ROBO2: variants seen among roughly 807,000 people sequenced by gnomAD.
The protein encoded by ROBO2 is roundabout guidance receptor 2, also known as roundabout homolog 2.
In ROBO2, 53 loss-of-function variants were observed where a neutral mutation model predicts 160.8. The observed-to-expected ratio is 0.33, with a 90% CI of 0.26 to 0.41. The LOEUF is 0.41. ROBO2 is among the 10% of genes least tolerant of loss of function. The pLI is 1.00. For missense variants in ROBO2, 1,577 were observed against 1,722.4 expected, an observed-to-expected ratio of 0.92 and a Z score of 1.49; for synonymous variants, 664 against 611.7, an observed-to-expected ratio of 1.09 and a Z score of -1.26.
intron 2 of ROBO2, among the ~76,000 whole-genome samples, chr3:75,980,510 C>G (rs1369215666): frequency 1.3e-5 from 2 of 151,482 alleles, no homozygotes; most frequent in East Asian, 3.9e-4. Flanking sequence ...TAAGTTACCT[C>G]AAATCTTTTC....
chr3:77,334,379 G>A (rs1448734947), intron 2 of ROBO2, among the ~76,000 whole-genome samples: 1 of 152,126 alleles, frequency 6.6e-6, no homozygotes, highest in Non-Finnish European at 1.5e-5. Flanking sequence ...CTTGGCTTCG[G>A]GCACTAATTT....
intron 2 of ROBO2, among the ~76,000 whole-genome samples, chr3:77,342,057 G>C (rs183721648): frequency 6.6e-6 from 1 of 152,176 alleles, no homozygotes; most frequent in East Asian, 1.9e-4. Context: ...AAGCTTCCGT[G>C]CGTGTATTTG....
At chr3:76,013,690 C>T (rs6789784) in intron 2 of ROBO2, among the ~76,000 whole-genome samples, 97 of 133,474 alleles carry the variant, frequency 7.3e-4, no homozygotes, top group Middle Eastern at 4.5e-3. Context: ...AGGCAATTGG[C>T]GGCTGGGTAC....
chr3:77,171,156 C>T (rs1363994714), intron 2 of ROBO2, among the ~76,000 whole-genome samples: 1 of 152,078 alleles, frequency 6.6e-6, no homozygotes, highest in African/African-American at 2.4e-5. Flanking sequence ...GACAGACAGC[C>T]CGGTGACAAT....
At chr3:76,295,830 G>C (rs1446954627) in intron 2 of ROBO2, among the ~76,000 whole-genome samples, 1 of 152,122 alleles carries the variant, frequency 6.6e-6, no homozygotes, top group African/African-American at 2.4e-5. Context: ...ATCAGGTGTT[G>C]AGTTTATATA....
intron 2 of ROBO2, among the ~76,000 whole-genome samples, chr3:77,406,204 T>A (rs2076239324): frequency 1.3e-5 from 2 of 152,114 alleles, no homozygotes; most frequent in African/African-American, 4.8e-5. Flanking sequence ...TCAGCTCTCC[T>A]GAGAACTCAC....
intron 2 of ROBO2, among the ~76,000 whole-genome samples, chr3:76,150,057 G>A (rs2072110796): frequency 8.2e-6 from 1 of 121,220 alleles, no homozygotes; most frequent in African/African-American, 3.2e-5. Context: ...GCACACCTCT[G>A]TTTAAAACAC....
chr3:77,423,796 T>C (rs1380881224), intron 2 of ROBO2, among the ~76,000 whole-genome samples: 1 of 152,194 alleles, frequency 6.6e-6, no homozygotes, highest in Non-Finnish European at 1.5e-5. Flanking sequence ...ACCCTGGTGC[T>C]TCCTAAAACA....
chr3:77,514,519 A>G (rs1024050407), intron 5 of ROBO2, among the ~76,000 whole-genome samples: 7 of 151,800 alleles, frequency 4.6e-5, no homozygotes, highest in Non-Finnish European at 2.9e-5. Context: ...AGAAAAATAA[A>G]TGTACTTATA....
intron 2 of ROBO2, among the ~76,000 whole-genome samples, chr3:76,571,074 A>G (rs2084924414): frequency 6.6e-6 from 1 of 152,162 alleles, no homozygotes; most frequent in South Asian, 2.1e-4. Context: ...AGGTGATATG[A>G]AATTATGTAA....
At chr3:76,321,332 T>C (rs2072506769) in intron 2 of ROBO2, among the ~76,000 whole-genome samples, 1 of 152,036 alleles carries the variant, frequency 6.6e-6, no homozygotes, top group Non-Finnish European at 1.5e-5. Context: ...CTGGTCAACA[T>C]GGTGAAACCC....
At chr3:76,435,187 A>T in intron 2 of ROBO2, 2 of 1,180,560 alleles carry the variant, frequency 1.7e-6, no homozygotes. Flanking sequence ...AACAGTAGGG[A>T]TGTCAAAGTT....
intron 22 of ROBO2, among the ~76,000 whole-genome samples, chr3:77,618,715 A>G (rs1049476105): frequency 6.6e-6 from 1 of 152,168 alleles, no homozygotes; most frequent in African/African-American, 2.4e-5. Context: ...CTAACTATAC[A>G]TAGAAAGAGA....
intron 2 of ROBO2, among the ~76,000 whole-genome samples, chr3:77,294,446 G>A (rs1477711258): frequency 7.2e-6 from 1 of 138,884 alleles, no homozygotes; most frequent in Non-Finnish European, 1.5e-5. Flanking sequence ...GATCCCTAAA[G>A]ACATAAAGTA....
At chr3:76,720,346 C>T (rs1244295885) in intron 2 of ROBO2, among the ~76,000 whole-genome samples, 10 of 152,076 alleles carry the variant, frequency 6.6e-5, no homozygotes, top group Non-Finnish European at 2.9e-5. Context: ...TTAGAACAGC[C>T]TAAATGGGCT....
chr3:76,071,215 T>C (rs1020256357), intron 2 of ROBO2, among the ~76,000 whole-genome samples: 9 of 152,346 alleles, frequency 5.9e-5, no homozygotes, highest in South Asian at 2.1e-4. Context: ...TGCTTAATCA[T>C]AAATGCTTTC....
intron 2 of ROBO2, among the ~76,000 whole-genome samples, chr3:76,986,839 T>C (rs557361041): frequency 3.4e-4 from 51 of 152,124 alleles, no homozygotes; most frequent in Non-Finnish European, 6.6e-4. Context: ...TTAATTGATA[T>C]CTATTATTAA....
intron 14 of ROBO2, among the ~76,000 whole-genome samples, 177 bp from the exon 16 acceptor site, chr3:77,577,313 G>C (rs1404992971): frequency 1.3e-5 from 2 of 152,028 alleles, no homozygotes; most frequent in Non-Finnish European, 2.9e-5. Context: ...TTTAAATCTA[G>C]ATATTGTATT....
chr3:76,238,947 C>G (rs191204950), intron 2 of ROBO2, among the ~76,000 whole-genome samples: 20 of 152,264 alleles, frequency 1.3e-4, no homozygotes, highest in African/African-American at 4.6e-4. Context: ...CAATGAGAAG[C>G]CTTTTGTAAC....
Sources: allele counts gnomAD v4.1 joint callset (sites outside exome capture counted in the v4.1 genomes callset), GRCh38; gene constraint gnomAD v4.1.1; transcripts MANE v1.5; gene names NCBI Gene and HGNC (gene_info 2026-07-23, HGNC 2026-07-21).